PAQR3: variants seen among roughly 807,000 people sequenced by gnomAD.
PAQR3 encodes Raf kinase trapping to Golgi.
Under a neutral mutation model 41.7 loss-of-function variants are expected in PAQR3, and 39 were observed. The observed-to-expected ratio is 0.93, with a 90% CI of 0.72 to 1.22. PAQR3 has a LOEUF of 1.22. PAQR3 is among the 50% of genes most tolerant of loss of function. PAQR3 has a pLI of 0.00. For missense variants in PAQR3, 366 were observed against 385.6 expected, an observed-to-expected ratio of 0.95 and a Z score of 0.42; for synonymous variants, 140 against 140.6, an observed-to-expected ratio of 1.00 and a Z score of 0.03.
At chr4:78,932,577 TGTGGTTACCTCTGAAAA>T (rs1168719459) in intron 2 of PAQR3, among the ~76,000 whole-genome samples, 3 of 152,196 alleles carry the variant, frequency 2.0e-5, no homozygotes, top group Admixed American at 2.0e-4. Context: ...AAATGTCCAA[TGTGGTTACCTCTGAAAA>T]GTGGAATTTC....
At position 78,914,006 on chromosome 4, in the gene PAQR3, AAAGTG is replaced by A. The variant is rs1462784275; in HGVS notation, c.*6528_*6532del. The A allele has an allele frequency of 3.3e-5, 5 of 152,086 alleles. No homozygotes were observed. Among genetic ancestry groups the A allele is most frequent in the African/African-American group, 1.2e-4 (5 of 41,442 alleles). 9.4% of individuals were successfully genotyped at this position (152,086 alleles called of 1,614,324 possible). On this transcript the variant is annotated 3_prime_UTR_variant, in exon 6 of 6. Coordinates refer to ENST00000512733, the MANE Select transcript of PAQR3 (RefSeq NM_001040202.2). ...TAGATTCAAGTGATACTTTCTTTTA[AAAGTG>A]AAGAGTTGATGATTACACATAGTAA...
At chr4:78,902,900 G>A (rs1263981260) in intron 11 of PAQR3, among the ~76,000 whole-genome samples, 3 of 151,970 alleles carry the variant, frequency 2.0e-5, no homozygotes, top group African/African-American at 7.2e-5. Context: ...TGCAATATTT[G>A]TTTAAAATAG....
rs1734716508 is a variant in PAQR3 at position 78,912,715 on chromosome 4, C to T, written c.*7824G>A. 1 of 151,798 alleles carries T rather than the reference C, an allele frequency of 6.6e-6. No individual in the cohort carries two copies. Among genetic ancestry groups the T allele is most frequent in the Non-Finnish European group, 1.5e-5 (1 of 67,972 alleles). 9.4% of individuals were successfully genotyped at this position (151,798 alleles called of 1,614,324 possible). The stretch of plus-strand genomic sequence containing the variant: ...TAACTATTCCACAACTTACATATTC[C>T]AAAACAATGTTATACATGATAAATA... On this transcript the variant is annotated 3_prime_UTR_variant, in exon 6 of 6. Transcript: ENST00000512733.
chr4:78,897,775 C>T (rs558274335), intron 11 of PAQR3, among the ~76,000 whole-genome samples: 1 of 152,238 alleles, frequency 6.6e-6, no homozygotes, highest in East Asian at 1.9e-4. Context: ...GGCATAGTCT[C>T]AGAAGTTAAT....
At chr4:78,920,707 A>C in intron 5 of PAQR3, 26 bp from the exon 6 acceptor site, 1 of 1,590,930 alleles carries the variant, frequency 6.3e-7, no homozygotes, top group Non-Finnish European at 8.6e-7. Context: ...AAAGAAAATG[A>C]TAATGATTTC....
At chr4:78,927,138 G>A (rs921958568) in intron 3 of PAQR3, among the ~76,000 whole-genome samples, 2 of 152,132 alleles carry the variant, frequency 1.3e-5, no homozygotes, top group African/African-American at 4.8e-5. Context: ...CCACAGAAGA[G>A]GGAACAATTA....
At position 78,905,812 on chromosome 4, in the gene PAQR3, A is replaced by T. The variant is rs557885024; in HGVS notation, c.*836+296T>A. Among the ~76,000 whole-genome samples the T allele has an allele frequency of 4.5e-4, 68 of 149,814 alleles. 2 individuals are homozygous for T. In the South Asian group the frequency reaches 7.4e-3, roughly 16 times the overall value. On this transcript the variant is annotated intron_variant and NMD_transcript_variant, in intron 11 of 12. Coordinates refer to the PAQR3 transcript ENST00000342820. Reference sequence around the variant, plus strand: ...GACACAAATAGTGGGAAGATCTGAAATTTTTTTTTTTAAATTATAGGAATA... The same window carrying T: ...GACACAAATAGTGGGAAGATCTGAATTTTTTTTTTTTAAATTATAGGAATA...
chr4:78,937,372 T>C (rs916870118), intron 1 of PAQR3, among the ~76,000 whole-genome samples: 3 of 152,210 alleles, frequency 2.0e-5, no homozygotes, highest in Non-Finnish European at 2.9e-5. Flanking sequence ...TAAAACCCTA[T>C]GTCTTGTTTA....
At chr4:78,895,345 G>C (rs976708202) in intron 11 of PAQR3, among the ~76,000 whole-genome samples, 1 of 152,110 alleles carries the variant, frequency 6.6e-6, no homozygotes, top group African/African-American at 2.4e-5. Flanking sequence ...AGATTTCTCT[G>C]CAAACACAGT....
In PAQR3 at chr4:78,919,919, T is replaced by C; in HGVS notation, c.*620A>G. 1 of 985,426 alleles carries C rather than the reference T, an allele frequency of 1.0e-6. No individual in the cohort carries two copies. The highest frequency in any genetic ancestry group is 1.2e-6 in the Non-Finnish European group (1 of 829,624). 61.0% of individuals were successfully genotyped at this position (985,426 alleles called of 1,614,324 possible). A position where few individuals can be genotyped will look rare whatever the true frequency, so the allele number is the denominator to read the frequency against. On this transcript the variant is annotated 3_prime_UTR_variant, in exon 6 of 6. Coordinates refer to ENST00000512733, the MANE Select transcript of PAQR3 (RefSeq NM_001040202.2). ...TCTTTTCCTCTTCTCAACCCTTCTC[T>C]CAACTTACTGCAGAAGTTTAAAGCT... is the stretch of plus-strand genomic sequence containing the variant.
At chr4:78,920,732 A>G (rs185078533) in intron 5 of PAQR3, 51 bp from the exon 6 acceptor site, 2 of 1,547,204 alleles carry the variant, frequency 1.3e-6, no homozygotes, top group South Asian at 1.2e-5. Flanking sequence ...TGTTGACATT[A>G]AAGGAAAAAT....
chr4:78,913,454 CTATTT>C lies in PAQR3; in HGVS notation c.*7080_*7084del, dbSNP rs1734781135. ...GTATCTGTGCTTCCTGTGTCTATGA[CTATTT>C]TAAGATATAATTGTGCTGCGCTATC... On this transcript the variant is annotated 3_prime_UTR_variant, in exon 6 of 6. Transcript: ENST00000512733. 6.6e-6 allele frequency: 1 copy of C among 152,120 alleles called. No homozygotes were observed. The highest frequency in any genetic ancestry group is 2.4e-5 in the African/African-American group (1 of 41,428). The allele number at this position is 152,120 out of a possible 1,614,324, so 9.4% of individuals were successfully genotyped here.
Position 78,918,041 on chromosome 4 carries a change from A to G in PAQR3, c.*2498T>C, listed in dbSNP as rs1196822945. 7.1e-6 allele frequency: 7 copies of G among 979,628 alleles called. No homozygotes were observed. The allele number at this position is 979,628 out of a possible 1,614,324, so 60.7% of individuals were successfully genotyped here. A position where few individuals can be genotyped will look rare whatever the true frequency, so the allele number is the denominator to read the frequency against. ...AAAAAAAGACAAGCACTGTCTTGCT[A>G]TTTGAAAATGGCTTAATATAGAAAG... On this transcript the variant is annotated 3_prime_UTR_variant, in exon 6 of 6. Coordinates refer to ENST00000512733, the MANE Select transcript of PAQR3 (RefSeq NM_001040202.2).
At chr4:78,906,371 A>G (rs1406622455) in intron 10 of PAQR3, among the ~76,000 whole-genome samples, 1 of 152,148 alleles carries the variant, frequency 6.6e-6, no homozygotes, top group Non-Finnish European at 1.5e-5. Context: ...GGGGGGCAAA[A>G]TAAGTAAAAC....
chr4:78,920,781 T>C, intron 5 of PAQR3, 100 bp from the exon 6 acceptor site: 5 of 1,355,210 alleles, frequency 3.7e-6, no homozygotes, highest in Non-Finnish European at 4.9e-6. Flanking sequence ...AAAATTTTCA[T>C]AGTCTCAGAG....
chr4:78,900,931 T>C (rs1240263401), intron 11 of PAQR3, among the ~76,000 whole-genome samples: 3 of 151,348 alleles, frequency 2.0e-5, no homozygotes, highest in African/African-American at 7.4e-5. Flanking sequence ...GTTATAAAAC[T>C]GATGTTAGTA....
rs553683426 is a variant in PAQR3 at position 78,912,980 on chromosome 4, T to G, written c.*7559A>C. On this transcript the variant is annotated 3_prime_UTR_variant, in exon 6 of 6. Transcript: ENST00000512733. Reference sequence around the variant, plus strand: ...ATTGGAAAAATTGGAGGACAAGGGTTGTATAAAAATTTTATTTTATGAAGA... The same window carrying G: ...ATTGGAAAAATTGGAGGACAAGGGTGGTATAAAAATTTTATTTTATGAAGA... 1.9e-4 allele frequency: 29 copies of G among 152,270 alleles called. No homozygotes were observed. The highest frequency in any genetic ancestry group is 3.4e-3 in the Middle Eastern group (1 of 294). The allele number at this position is 152,270 out of a possible 1,614,324, so 9.4% of individuals were successfully genotyped here. A position where few individuals can be genotyped will look rare whatever the true frequency, so the allele number is the denominator to read the frequency against.
intron 1 of PAQR3, among the ~76,000 whole-genome samples, chr4:78,935,831 T>C (rs1338858527): frequency 6.6e-6 from 1 of 152,146 alleles, no homozygotes; most frequent in Non-Finnish European, 1.5e-5. Context: ...GCAAAATAAA[T>C]ATATATTGAT....
At chr4:78,924,715 GTT>G (rs11363806) in intron 4 of PAQR3, among the ~76,000 whole-genome samples, 93 of 146,094 alleles carry the variant, frequency 6.4e-4, no homozygotes, top group Middle Eastern at 7.0e-3. Flanking sequence ...CTCTACAGTT[GTT>G]TTTTTTTTTT....
Sources: allele counts gnomAD v4.1 joint callset (sites outside exome capture counted in the v4.1 genomes callset), GRCh38; gene constraint gnomAD v4.1.1; transcripts MANE v1.5; gene names NCBI Gene and HGNC (gene_info 2026-07-23, HGNC 2026-07-21).